DOCK2: variants seen among roughly 807,000 people sequenced by gnomAD.
DOCK2 encodes dedicator of cytokinesis protein 2.
DOCK2 carries 87 observed loss-of-function variants against 248.9 expected under a neutral mutation model. That is an observed-to-expected ratio of 0.35 (90% CI 0.29 to 0.42). The LOEUF (loss-of-function observed/expected upper bound fraction) is 0.42. Among genes scored for constraint, DOCK2 ranks in the 10% least tolerant of loss-of-function variants. The pLI, the probability that DOCK2 is intolerant of heterozygous loss-of-function variation, is 1.00. For synonymous variants in DOCK2, 805 were observed against 821.6 expected (o/e 0.98, Z 0.35); for missense variants, 1,747 against 2,300.2 (o/e 0.76, Z 4.92).
chr5:169,983,011 G>A (rs1338170565), intron 27 of DOCK2, 57 bp from the exon 28 acceptor site: 17 of 1,564,536 alleles, frequency 1.1e-5, no homozygotes, highest in Middle Eastern at 1.7e-4. Context: ...TTCTCACAGG[G>A]AAGTTTTCCA....
chr5:169,849,039 C>G (rs1770475675), intron 27 of DOCK2, among the ~76,000 whole-genome samples: 2 of 152,080 alleles, frequency 1.3e-5, no homozygotes, highest in Admixed American at 6.5e-5. Flanking sequence ...AGCAACTCCT[C>G]CCAACCCCAG....
At chr5:169,926,161 G>C (rs552062729) in intron 27 of DOCK2, among the ~76,000 whole-genome samples, 1 of 152,268 alleles carries the variant, frequency 6.6e-6, no homozygotes, top group East Asian at 1.9e-4. Flanking sequence ...CCAGGAGTAG[G>C]AGTTCCTATA....
intron 5 of DOCK2, among the ~76,000 whole-genome samples, chr5:169,673,136 G>A (rs1581010831): frequency 6.6e-6 from 1 of 152,256 alleles, no homozygotes; most frequent in East Asian, 1.9e-4. Flanking sequence ...TGGGGCAGGT[G>A]GAGGGGAGTG....
rs1767101371 is a variant in DOCK2 at position 169,803,055 on chromosome 5, C to T, written c.2555-3C>T. 6.2e-7 allele frequency: 1 copy of T among 1,613,656 alleles called. No individual in the cohort carries two copies. Among genetic ancestry groups the T allele is most frequent in the Admixed American group, 1.7e-5 (1 of 59,944 alleles). On this transcript the variant is annotated splice_polypyrimidine_tract_variant and splice_region_variant and intron_variant, in intron 25 of 51. Coordinates refer to ENST00000520908, the MANE Select transcript of DOCK2 (RefSeq NM_004946.3). ...ACACTACTCTGAACTGTCTTTATTC[C>T]AGAATGCCGGGACATTCTGCTTCCT...
intron 44 of DOCK2, among the ~76,000 whole-genome samples, chr5:170,062,333 C>A (rs1025299534): frequency 6.6e-6 from 1 of 152,170 alleles, no homozygotes; most frequent in Middle Eastern, 3.4e-3. Context: ...TCCCTCCACC[C>A]CCAAATGCAC....
chr5:169,908,338 C>A (rs902574790), intron 27 of DOCK2, among the ~76,000 whole-genome samples: 1 of 151,998 alleles, frequency 6.6e-6, no homozygotes, highest in Non-Finnish European at 1.5e-5. Context: ...GTGTTATTTG[C>A]AAATATAATT....
chr5:169,776,594 A>G (rs966595), intron 25 of DOCK2, among the ~76,000 whole-genome samples: 47,646 of 152,106 alleles, frequency 0.31, 7,817 homozygotes, highest in East Asian at 0.51. Flanking sequence ...GACACTGGCT[A>G]TAGTCAATTT....
At chr5:169,806,119 C>G (rs1767338047) in intron 26 of DOCK2, among the ~76,000 whole-genome samples, 1 of 149,948 alleles carries the variant, frequency 6.7e-6, no homozygotes, top group African/African-American at 2.5e-5. Context: ...TTGAGCTAAA[C>G]TGAAAATGAG....
intron 27 of DOCK2, among the ~76,000 whole-genome samples, chr5:169,919,410 T>C (rs1254535542): frequency 6.6e-6 from 1 of 152,212 alleles, no homozygotes; most frequent in Non-Finnish European, 1.5e-5. Flanking sequence ...TTCACACTCA[T>C]CAAATTTTAC....
intron 43 of DOCK2, chr5:170,057,339 A>G: frequency 1.8e-6 from 1 of 557,670 alleles, no homozygotes; most frequent in East Asian, 3.2e-5. Context: ...TCAGACTGCT[A>G]ATAAACCCAG....
rs547570560 is a variant in DOCK2, at chr5:170,062,617, A to T, written c.4468-4893A>T. On this transcript the variant is annotated intron_variant, in intron 44 of 51. Transcript: ENST00000520908. Reference sequence around the variant, plus strand: ...CCCCAGGAGGGCTTGGACCTCACATATACCATTCTAATTCTGAGGTTCTTC... The same window carrying T: ...CCCCAGGAGGGCTTGGACCTCACATTTACCATTCTAATTCTGAGGTTCTTC... Among the ~76,000 whole-genome samples, 10 of 152,262 alleles carry T rather than the reference A, an allele frequency of 6.6e-5. No individual in the cohort carries two copies. The South Asian group carries it at 2.1e-3, about 32-fold the overall frequency.
chr5:169,873,394 C>T (rs770567413), intron 27 of DOCK2, among the ~76,000 whole-genome samples: 1 of 152,134 alleles, frequency 6.6e-6, no homozygotes, highest in Non-Finnish European at 1.5e-5. Flanking sequence ...TGGAGATGCT[C>T]GAGGGCATTG....
chr5:169,644,758 A>T (rs547666800), intron 1 of DOCK2, among the ~76,000 whole-genome samples: 1 of 151,878 alleles, frequency 6.6e-6, no homozygotes, highest in Admixed American at 6.6e-5. Flanking sequence ...CCCCATATGC[A>T]TTAGCTATTT....
At chr5:169,959,368 C>G (rs1171347798) in intron 27 of DOCK2, among the ~76,000 whole-genome samples, 1 of 142,354 alleles carries the variant, frequency 7.0e-6, no homozygotes, top group African/African-American at 2.7e-5. Flanking sequence ...GACTCCGTCT[C>G]AAAAGAAAAA....
intron 22 of DOCK2, among the ~76,000 whole-genome samples, chr5:169,746,644 T>TG: frequency 6.6e-6 from 1 of 152,124 alleles, no homozygotes; most frequent in Non-Finnish European, 1.5e-5. Flanking sequence ...CTCCTAAGGC[T>TG]GGGGGAAGGG....
intron 32 of DOCK2, among the ~76,000 whole-genome samples, chr5:170,012,792 T>C (rs772398188): frequency 6.6e-6 from 1 of 152,244 alleles, no homozygotes; most frequent in Non-Finnish European, 1.5e-5. Flanking sequence ...GACTTTGCAC[T>C]TAATCCTCCC....
intron 27 of DOCK2, among the ~76,000 whole-genome samples, chr5:169,902,935 TAAAAATAC>T (rs1202107641): frequency 6.6e-6 from 1 of 151,964 alleles, no homozygotes; most frequent in Non-Finnish European, 1.5e-5. Flanking sequence ...CTGTCTCTAC[TAAAAATAC>T]AAAAATTAGC....
chr5:169,669,870 A>G (rs547241555), intron 3 of DOCK2, among the ~76,000 whole-genome samples: 5 of 152,212 alleles, frequency 3.3e-5, no homozygotes, highest in African/African-American at 9.7e-5. Context: ...GGTTGCATTT[A>G]TGAAGGGATT....
rs370494583 is a variant in DOCK2, at chr5:169,654,452, C to T, written c.93C>T (p.Ile31=). ...GSGAPQLSLQ[I]GDVVRIQETC... Reference sequence around the variant, plus strand: ...GAGCCCCCCAGCTCTCCCTGCAGATCGGCGATGTGGTGCGAATACAGGAGA... The same window carrying T: ...GAGCCCCCCAGCTCTCCCTGCAGATTGGCGATGTGGTGCGAATACAGGAGA... The change falls in exon 2 of 52, where the codon ATC becomes ATT. Residue 31 remains isoleucine (I), a synonymous_variant. Transcript: ENST00000520908. The T allele has an allele frequency of 3.5e-5, 57 of 1,614,038 alleles. No homozygotes were observed. The highest frequency in any genetic ancestry group is 2.0e-4 in the African/African-American group (15 of 74,932).
Sources: gnomAD v4.1 joint callset for allele counts (sites outside exome capture counted in the v4.1 genomes callset) on GRCh38, gnomAD v4.1.1 for gene constraint, MANE v1.5 for transcripts, NCBI Gene and HGNC (gene_info 2026-07-23, HGNC 2026-07-21) for gene names.